TFAP2A: variants seen among roughly 807,000 people sequenced by gnomAD.
The protein encoded by TFAP2A is transcription factor AP-2-alpha.
TFAP2A carries 7 observed loss-of-function variants against 41.5 expected under a neutral mutation model. The observed-to-expected ratio is 0.17, with a 90% confidence interval of 0.10 to 0.32. The LOEUF is 0.32. Ranked by LOEUF, TFAP2A falls within the 10% of genes least tolerant of loss-of-function variation. The probability of loss-of-function intolerance (pLI) is 1.00; values close to 1 mark genes in which losing one functional copy is unlikely to be tolerated. For missense variants in TFAP2A, 416 were observed against 563.3 expected (o/e 0.74, Z 2.65); for synonymous variants, 247 against 242.8 (o/e 1.02, Z -0.16).
At chr6:10,418,566 G>A (rs2113239636), upstream of TFAP2A, 1 of 152,388 alleles carries the variant, frequency 6.6e-6, no homozygotes, top group African/African-American at 2.4e-5. Context: ...GTTTCCCGAA[G>A]GGAAAGTGTC....
At chr6:10,411,969 G>A in intron 1 of TFAP2A, 1 of 1,092,952 alleles carries the variant, frequency 9.1e-7, no homozygotes, top group South Asian at 2.8e-5. Flanking sequence ...CTTAGCGGCG[G>A]CTTCGCTTGA....
intron 1 of TFAP2A, chr6:10,411,470 A>C: frequency 1.2e-6 from 2 of 1,602,328 alleles, no homozygotes; most frequent in Non-Finnish European, 8.5e-7. Flanking sequence ...CCTGAAGGAA[A>C]GCTGGGCGTG....
chr6:10,410,433 G>A (rs1757912344), intron 1 of TFAP2A, 98 bp from the exon 2 acceptor site: 3 of 1,293,594 alleles, frequency 2.3e-6, no homozygotes, highest in South Asian at 1.3e-5. Flanking sequence ...GTGGGAAATC[G>A]CCCGTTCCCG....
At chr6:10,401,895 A>C in intron 5 of TFAP2A, 1 of 213,478 alleles carries the variant, frequency 4.7e-6, no homozygotes, top group Non-Finnish European at 9.4e-6. Context: ...GGGTGTATGT[A>C]TGTTTAAAGC....
rs76602720 is a variant in TFAP2A, at chr6:10,409,530, C to T, written c.486+371G>A. 1,381 of 267,548 alleles carry T rather than the reference C, an allele frequency of 5.2e-3. 21 individuals are homozygous for T. The highest frequency in any genetic ancestry group is 0.029 in the African/African-American group (1,294 of 44,788). 16.6% of individuals were successfully genotyped at this position (267,548 alleles called of 1,614,324 possible). A position where few individuals can be genotyped will look rare whatever the true frequency, so the allele number is the denominator to read the frequency against. On this transcript the variant is annotated intron_variant, in intron 2 of 6. Transcript: ENST00000379613. ...CTTTTGGTTGCATTTAACATCATTC[C>T]CAGGACAGGGAGAAATCTCCACGCC...
At position 10,398,617 on chromosome 6, in the gene TFAP2A, T is replaced by C. The variant is rs1761885515; in HGVS notation, c.1120A>G (p.Ile374Val). 2 of 1,614,070 alleles carry C rather than the reference T, an allele frequency of 1.2e-6. No homozygotes were observed. The highest frequency in any genetic ancestry group is 2.7e-5 in the African/African-American group (2 of 74,930). Reference protein sequence around the residue: ...SRPNPILEPGIQSCLTHFNLI... With the variant: ...SRPNPILEPGVQSCLTHFNLI... ...TTGAAGTGGGTCAAGCAGCTCTGGA[T>C]GCCGGGCTCCAGGATGGGGTTGGGC... Residue 374 changes from isoleucine (I) to valine (V), a missense_variant, in exon 7 of 7, where the codon ATC becomes GTC. This residue lies in a region of TFAP2A where 116 missense variants were observed against 153.8 expected (regional missense o/e 0.75). Coordinates refer to ENST00000379613, the MANE Select transcript of TFAP2A (RefSeq NM_001372066.1). This position sits in a 1 kb window ranked among gnomAD's most constrained non-coding sequence, Gnocchi z 5.3.
Position 10,398,545 on chromosome 6 carries a change from T to C in TFAP2A, c.1192A>G (p.Thr398Ala). The change falls in exon 7 of 7, where the codon ACG (threonine) becomes GCG (alanine). Residue 398 changes from threonine to alanine, a missense_variant. Coordinates refer to ENST00000379613, the MANE Select transcript of TFAP2A (RefSeq NM_001372066.1). The surrounding 1 kb of genome is among the most constrained non-coding windows in gnomAD (Gnocchi z 5.3). ...TCGGTGAGATAGTTCTGCAGGGCCG[T>C]GACCGCGGCACACACCGCGGGGCTG... ...FGSPAVCAAV[T>A]ALQNYLTEAL... 1 of 1,614,206 alleles carries C rather than the reference T, an allele frequency of 6.2e-7. No individual in the cohort carries two copies. Among genetic ancestry groups the C allele is most frequent in the South Asian group, 1.1e-5 (1 of 91,076 alleles).
intron 4 of TFAP2A, among the ~76,000 whole-genome samples, chr6:10,404,276 G>A (rs1034750265): frequency 7.9e-5 from 12 of 152,346 alleles, no homozygotes; most frequent in African/African-American, 2.9e-4. Context: ...GCGCGCACCA[G>A]AACTCGCTCG....
chr6:10,412,640 C>G (rs1758042642), intron 1 of TFAP2A: 2 of 303,924 alleles, frequency 6.6e-6, no homozygotes, highest in South Asian at 4.7e-5. Flanking sequence ...CGGGTAGGAG[C>G]TGCTTGGGAC....
chr6:10,406,621 C>T (rs1757725282), intron 3 of TFAP2A, 172 bp downstream of exon 3: 1 of 654,810 alleles, frequency 1.5e-6, no homozygotes, highest in Non-Finnish European at 2.8e-6. Flanking sequence ...GTTGGCATTA[C>T]CAACATACTG....
At chr6:10,403,608 G>T (rs1334088442) in intron 4 of TFAP2A, among the ~76,000 whole-genome samples, 1 of 149,946 alleles carries the variant, frequency 6.7e-6, no homozygotes, top group African/African-American at 2.4e-5. Flanking sequence ...TATTAAAGAA[G>T]AGAAGAAACA....
At chr6:10,399,605 C>A (rs970828848) in intron 6 of TFAP2A, among the ~76,000 whole-genome samples, 1 of 152,202 alleles carries the variant, frequency 6.6e-6, no homozygotes, top group Non-Finnish European at 1.5e-5. Context: ...GGAGCCTGGG[C>A]TGGCTCCCTT....
chr6:10,415,301 C>A, upstream of TFAP2A: 1 of 1,371,366 alleles, frequency 7.3e-7, no homozygotes, highest in African/African-American at 1.5e-5. Flanking sequence ...TTACCAACAG[C>A]CTAATCGCCT....
chr6:10,417,588 G>A (rs1758294221), upstream of TFAP2A, among the ~76,000 whole-genome samples: 1 of 152,224 alleles, frequency 6.6e-6, no homozygotes, highest in Non-Finnish European at 1.5e-5. Context: ...CCTGACGTGG[G>A]GGGCATAAAA....
In TFAP2A at chr6:10,396,948, T is replaced by A. The variant is rs987384905; in HGVS notation, c.*1469A>T. On this transcript the variant is annotated 3_prime_UTR_variant, in exon 7 of 7. Transcript: ENST00000379613. ...GCAAGGAGCAATTGCCAAGGGAGAG[T>A]TAAACTCAATTACTGTAACCATACT... The A allele has an allele frequency of 6.6e-6, 1 of 152,290 alleles. No homozygotes were observed. Among genetic ancestry groups the A allele is most frequent in the African/African-American group, 2.4e-5 (1 of 41,292 alleles). The allele number at this position is 152,290 out of a possible 1,614,324, so 9.4% of individuals were successfully genotyped here. A position where few individuals can be genotyped will look rare whatever the true frequency, so the allele number is the denominator to read the frequency against.
intron 1 of TFAP2A, among the ~76,000 whole-genome samples, chr6:10,411,244 T>C (rs1316887741): frequency 2.6e-5 from 4 of 152,050 alleles, no homozygotes; most frequent in Admixed American, 2.6e-4. Flanking sequence ...AGTTTAAGCA[T>C]CAAATGTTGA....
intron 2 of TFAP2A, 82 bp downstream of exon 2, chr6:10,409,819 G>T: frequency 6.7e-7 from 1 of 1,483,214 alleles, no homozygotes; most frequent in South Asian, 1.2e-5. Flanking sequence ...CGGGCCCACC[G>T]ACTGTATGTT....
At chr6:10,414,751 G>T in intron 1 of TFAP2A, 190 bp downstream of exon 1, 1 of 774,776 alleles carries the variant, frequency 1.3e-6, no homozygotes, top group Non-Finnish European at 2.2e-6. Flanking sequence ...ACCAAAGAAG[G>T]GAGCATCCAC....
intron 2 of TFAP2A, among the ~76,000 whole-genome samples, chr6:10,408,244 T>C (rs1463564144): frequency 6.6e-6 from 1 of 152,226 alleles, no homozygotes; most frequent in Non-Finnish European, 1.5e-5. Context: ...GAAAGAATTT[T>C]TTTCTTAAAA....
Sources: gnomAD v4.1 joint callset for allele counts (sites outside exome capture counted in the v4.1 genomes callset) on GRCh38, gnomAD v4.1.1 for gene constraint, gnomAD v4.1.1 regional missense constraint, Gnocchi (gnomAD v3.1) non-coding constraint, MANE v1.5 for transcripts, NCBI Gene and HGNC (gene_info 2026-07-23, HGNC 2026-07-21) for gene names.